Variants in CALN1 observed in about 807,000 individuals in gnomAD.
CALN1 encodes calcium-binding protein 8.
Under a neutral mutation model 30.6 loss-of-function variants are expected in CALN1, and 17 were observed. The ratio of observed to expected loss-of-function variants is 0.56; its 90% CI spans 0.38 to 0.83. The LOEUF is 0.83. CALN1 is among the 40% of genes least tolerant of loss of function. The pLI, the probability that CALN1 is intolerant of heterozygous loss-of-function variation, is 0.00. For synonymous variants in CALN1, 156 were observed against 131.4 expected (o/e 1.19, Z -1.28); for missense variants, 291 against 354.9 (o/e 0.82, Z 1.45).
At chr7:72,271,575 A>AAAAAAAAAAAAAATATATATATAT in intron 3 of CALN1, among the ~76,000 whole-genome samples, 39 of 52,110 alleles carry the variant, frequency 7.5e-4, no homozygotes, top group African/African-American at 3.8e-3. Flanking sequence ...AAAAAAAAAA[A>AAAAAAAAAAAAAATATATATATAT]ATATATATAT....
At chr7:72,188,383 G>A (rs1308729718) in intron 3 of CALN1, among the ~76,000 whole-genome samples, 1 of 152,084 alleles carries the variant, frequency 6.6e-6, no homozygotes, top group East Asian at 1.9e-4. Flanking sequence ...AAAAAGGAAT[G>A]AATTAATAGC....
chr7:72,337,137 G>A (rs958161165), intron 2 of CALN1: 10 of 985,696 alleles, frequency 1.0e-5, no homozygotes, highest in Admixed American at 6.1e-5. Flanking sequence ...CCGAGGCCCC[G>A]CTGGAGTTGC....
rs1001824553 is a variant in CALN1, at chr7:71,957,964, C to T, written c.501+65693G>A. 7.6e-4 allele frequency among the ~76,000 whole-genome samples: 114 copies of T among 149,536 alleles called. 1 individual carries two copies. Among genetic ancestry groups the T allele is most frequent in the African/African-American group, 2.7e-3 (110 of 40,586 alleles). On this transcript the variant is annotated intron_variant, in intron 5 of 6. Transcript: ENST00000395275. Reference sequence around the variant, plus strand: ...CCTGTAATCCCAGCTACTTGGGAGGCTGAGGCAGGAGAATCTCTTGAACCT... The same window carrying T: ...CCTGTAATCCCAGCTACTTGGGAGGTTGAGGCAGGAGAATCTCTTGAACCT...
chr7:72,080,314 T>C (rs764061577), intron 4 of CALN1, among the ~76,000 whole-genome samples: 1 of 152,206 alleles, frequency 6.6e-6, no homozygotes, highest in Non-Finnish European at 1.5e-5. Context: ...ATTTGGCAGC[T>C]GTTCTCCTGC....
chr7:72,053,151 G>A (rs1802947564), intron 4 of CALN1, among the ~76,000 whole-genome samples: 1 of 152,128 alleles, frequency 6.6e-6, no homozygotes, highest in Admixed American at 6.6e-5. Flanking sequence ...AATCGCTTGA[G>A]CCCAGGAGGT....
At chr7:72,146,468 G>A (rs926868030) in intron 3 of CALN1, among the ~76,000 whole-genome samples, 1 of 152,048 alleles carries the variant, frequency 6.6e-6, no homozygotes. Flanking sequence ...AAATAAAAGA[G>A]GATACAAATA....
intron 5 of CALN1, among the ~76,000 whole-genome samples, chr7:71,891,815 AC>A (rs1231107810): frequency 1.9e-3 from 282 of 152,294 alleles, no homozygotes; most frequent in Non-Finnish European, 2.8e-3. Flanking sequence ...ATGGTGGCTC[AC>A]GCCTGTAATC....
intron 5 of CALN1, among the ~76,000 whole-genome samples, chr7:71,875,985 C>T (rs1399031583): frequency 2.6e-5 from 4 of 152,138 alleles, no homozygotes; most frequent in Non-Finnish European, 5.9e-5. Flanking sequence ...CCCCAACCTC[C>T]ACAGAAACCT....
Position 72,317,469 on chromosome 7 carries a change from A to G in CALN1, c.120-38659T>C, listed in dbSNP as rs73361187. Among the ~76,000 whole-genome samples the G allele has an allele frequency of 6.3e-3, 954 of 152,286 alleles. 9 individuals are homozygous for G. Among genetic ancestry groups the G allele is most frequent in the African/African-American group, 0.021 (853 of 41,552 alleles). ...AGAGGATCTAATGTTGCAGTTTGGT[A>G]CCACAACTGTTCCCACAACTCTGTT... is the stretch of plus-strand genomic sequence containing the variant. On this transcript the variant is annotated intron_variant, in intron 2 of 6. Coordinates refer to ENST00000395275, the MANE Select transcript of CALN1 (RefSeq NM_031468.4).
At chr7:71,999,519 A>ATT (rs34318737) in intron 5 of CALN1, among the ~76,000 whole-genome samples, 1 of 145,848 alleles carries the variant, frequency 6.9e-6, no homozygotes, top group African/African-American at 2.5e-5. Context: ...CAGCATATGC[A>ATT]TTTTTTTTTT....
In CALN1 at chr7:71,781,938, T is replaced by C. The variant is rs1241628988; in HGVS notation, c.*5837A>G. 1 of 152,162 alleles carries C rather than the reference T, an allele frequency of 6.6e-6. No individual in the cohort carries two copies. Among genetic ancestry groups the C allele is most frequent in the African/African-American group, 2.4e-5 (1 of 41,422 alleles). The allele number at this position is 152,162 out of a possible 1,614,324, so 9.4% of individuals were successfully genotyped here. Reference sequence around the variant, plus strand: ...TATATTTCCAGTCAACGGAATAAAATTAATTTTGCCTTGGAGACGTTTTGA... The same window carrying C: ...TATATTTCCAGTCAACGGAATAAAACTAATTTTGCCTTGGAGACGTTTTGA... On this transcript the variant is annotated 3_prime_UTR_variant, in exon 7 of 7. Coordinates refer to ENST00000395275, the MANE Select transcript of CALN1 (RefSeq NM_031468.4).
At chr7:72,299,260 G>A (rs1324063702) in intron 2 of CALN1, among the ~76,000 whole-genome samples, 1 of 152,006 alleles carries the variant, frequency 6.6e-6, no homozygotes, top group African/African-American at 2.4e-5. Context: ...AAATCAGGCA[G>A]AGAAATTACC....
intron 5 of CALN1, among the ~76,000 whole-genome samples, chr7:71,810,700 T>A (rs1787898328): frequency 6.6e-6 from 1 of 151,992 alleles, no homozygotes; most frequent in African/African-American, 2.4e-5. Context: ...TGGAACATAT[T>A]CCCTTCGCTT....
rs73369853 is a variant in CALN1, at chr7:72,047,276, A to G, written c.389-23507T>C. ...AAAGAAGATTTGTCCACAAATAGACATACGAAGATGAAAAGACAAGAGGCT... is the reference window on the plus strand; with the variant it reads ...AAAGAAGATTTGTCCACAAATAGACGTACGAAGATGAAAAGACAAGAGGCT... On this transcript the variant is annotated intron_variant, in intron 4 of 6. Transcript: ENST00000395275. Among the ~76,000 whole-genome samples, 1,306 of 152,300 alleles carry G rather than the reference A, an allele frequency of 8.6e-3. 20 individuals carry two copies. Among genetic ancestry groups the G allele is most frequent in the African/African-American group, 0.027 (1,129 of 41,550 alleles).
At chr7:71,900,953 C>A (rs536091051) in intron 5 of CALN1, among the ~76,000 whole-genome samples, 1 of 152,308 alleles carries the variant, frequency 6.6e-6, no homozygotes, top group Admixed American at 6.5e-5. Flanking sequence ...CATTCCAGCC[C>A]TTTCATGAAT....
chr7:72,349,780 T>C (rs948754862), intron 2 of CALN1, among the ~76,000 whole-genome samples: 4 of 152,212 alleles, frequency 2.6e-5, no homozygotes, highest in South Asian at 2.1e-4. Context: ...CACTTTGTTA[T>C]GGGGTTGTCT....
chr7:72,411,644 A>G (rs998961956), intron 1 of CALN1, among the ~76,000 whole-genome samples: 1 of 152,222 alleles, frequency 6.6e-6, no homozygotes, highest in Non-Finnish European at 1.5e-5. Flanking sequence ...GAAATACGAA[A>G]AGTCTTGTCA....
At chr7:72,032,719 T>A (rs1323771241) in intron 4 of CALN1, among the ~76,000 whole-genome samples, 1 of 152,160 alleles carries the variant, frequency 6.6e-6, no homozygotes, top group Non-Finnish European at 1.5e-5. Flanking sequence ...GCTCCTTAAA[T>A]CGCCTCTTTG....
intron 2 of CALN1, among the ~76,000 whole-genome samples, chr7:72,359,403 C>CA (rs151119885): frequency 2.7e-3 from 404 of 152,280 alleles, no homozygotes; most frequent in Non-Finnish European, 4.3e-3. Flanking sequence ...CGTTTCTTTC[C>CA]AGAGATATTT....
Sources: gnomAD v4.1 joint callset for allele counts (sites outside exome capture counted in the v4.1 genomes callset) on GRCh38, gnomAD v4.1.1 for gene constraint, MANE v1.5 for transcripts, NCBI Gene and HGNC (gene_info 2026-07-23, HGNC 2026-07-21) for gene names.